NPIPB11: variants seen among roughly 807,000 people sequenced by gnomAD.
NPIPB11 encodes nuclear pore complex-interacting protein family member B11.
In NPIPB11, 17 loss-of-function variants were observed where a neutral mutation model predicts 32.8. The observed-to-expected ratio is 0.52, with a 90% CI of 0.35 to 0.78. The LOEUF is 0.78. Ranked by LOEUF, NPIPB11 falls within the 30% of genes least tolerant of loss-of-function variation. The pLI is 0.01. For synonymous variants in NPIPB11, 209 were observed against 398.4 expected (o/e 0.52, Z 5.66); for missense variants, 537 against 1,000.4 (o/e 0.54, Z 6.25).
At chr16:29,383,209 A>G (rs750787113) in exon 8 of NPIPB11, 1 of 1,565,114 alleles carries the variant, frequency 6.4e-7, no homozygotes, top group Non-Finnish European at 8.7e-7. Flanking sequence ...TCATCTGCTG[A>G]GGGTGGAGCT....
chr16:29,405,725 CACA>C (rs1163439040), upstream of NPIPB11, among the ~76,000 whole-genome samples: 3 of 152,120 alleles, frequency 2.0e-5, no homozygotes, highest in South Asian at 2.1e-4. Flanking sequence ...GAAATTTCTA[CACA>C]ACAATGTTCT....
chr16:29,394,770 G>A (rs1271972273), intron 2 of NPIPB11, among the ~76,000 whole-genome samples: 1 of 147,824 alleles, frequency 6.8e-6, no homozygotes, highest in Non-Finnish European at 1.5e-5. Flanking sequence ...TTTTGAGATG[G>A]GGTCTCACTC....
At chr16:29,401,086 T>G (rs185320474) in intron 2 of NPIPB11, among the ~76,000 whole-genome samples, 1 of 152,180 alleles carries the variant, frequency 6.6e-6, no homozygotes, top group East Asian at 1.9e-4. Flanking sequence ...CCCACGATGT[T>G]TTGGGAGAGT....
chr16:29,393,875 T>G (rs1468273958), intron 3 of NPIPB11, 73 bp downstream of exon 3: 32 of 1,294,790 alleles, frequency 2.5e-5, no homozygotes, highest in Non-Finnish European at 3.0e-5. Context: ...AGTCCAGAAA[T>G]GTGAATTGTT....
chr16:29,397,467 C>G, intron 2 of NPIPB11: 28 of 1,230,928 alleles, frequency 2.3e-5, no homozygotes, highest in Non-Finnish European at 3.1e-5. Context: ...CACCTCGGCC[C>G]CCTAAAGTGC....
At chr16:29,381,473 G>C (rs757616946) in exon 8 of NPIPB11, 4 of 1,293,264 alleles carry the variant, frequency 3.1e-6, no homozygotes, top group South Asian at 1.3e-5. Flanking sequence ...TCTTGGGTTC[G>C]GGTGATGATG....
At position 29,399,939 on chromosome 16, in the gene NPIPB11, C is replaced by T. The variant is rs3867590; in HGVS notation, c.120+3744G>A. Among the ~76,000 whole-genome samples, 8 of 150,590 alleles carry T rather than the reference C, an allele frequency of 5.3e-5. No individual in the cohort carries two copies. The South Asian group carries it at 6.3e-4, about 12-fold the overall frequency. On this transcript the variant is annotated intron_variant, in intron 2 of 7. Coordinates refer to ENST00000524087, the Ensembl canonical transcript of NPIPB11. ...TAAAAATACAAAAATTAGCCAGGCACGGTGGCACCCGCCTGTAATCCCAGC... is the reference window on the plus strand; with the variant it reads ...TAAAAATACAAAAATTAGCCAGGCATGGTGGCACCCGCCTGTAATCCCAGC...
chr16:29,388,971 C>T (rs1354060638), intron 5 of NPIPB11, among the ~76,000 whole-genome samples: 19 of 142,308 alleles, frequency 1.3e-4, no homozygotes, highest in South Asian at 4.7e-4. Flanking sequence ...CCGAGGTGTG[C>T]GGATCATGAT....
At chr16:29,405,771 C>T (rs1964100736), upstream of NPIPB11, among the ~76,000 whole-genome samples, 1 of 152,122 alleles carries the variant, frequency 6.6e-6, no homozygotes, top group South Asian at 2.1e-4. Context: ...CCTACACCTC[C>T]TATAATACTG....
chr16:29,389,396 G>C (rs1471041974), intron 5 of NPIPB11, among the ~76,000 whole-genome samples: 6 of 135,558 alleles, frequency 4.4e-5, no homozygotes, highest in Non-Finnish European at 9.4e-5. Flanking sequence ...AAAAAAGGCT[G>C]GCTGTGGTGG....
In NPIPB11 at chr16:29,389,923, T is replaced by C. The variant is rs1462877806; in HGVS notation, c.545+18A>G. 1 of 1,587,376 alleles carries C rather than the reference T, an allele frequency of 6.3e-7. No individual in the cohort carries two copies. The highest frequency in any genetic ancestry group is 1.7e-5 in the Admixed American group (1 of 59,608). ...CACATGGTTCCTACAACAGTATTTGTGTCAAGGCACATCTTACTGTTTTCT... is the reference window on the plus strand; with the variant it reads ...CACATGGTTCCTACAACAGTATTTGCGTCAAGGCACATCTTACTGTTTTCT... On this transcript the variant is annotated intron_variant, in intron 5 of 7. Coordinates refer to ENST00000524087, the Ensembl canonical transcript of NPIPB11.
chr16:29,399,368 C>T (rs1433398351), intron 2 of NPIPB11, among the ~76,000 whole-genome samples: 1 of 148,646 alleles, frequency 6.7e-6, no homozygotes, highest in African/African-American at 2.5e-5. Context: ...AATGCCTTTA[C>T]CATAAATAGA....
chr16:29,403,004 T>A (rs566768987), intron 2 of NPIPB11, among the ~76,000 whole-genome samples: 15 of 151,326 alleles, frequency 9.9e-5, no homozygotes, highest in Middle Eastern at 3.4e-3. Flanking sequence ...CTATAGAATG[T>A]ATTTATTATG....
At chr16:29,391,802 C>A (rs1219108782) in intron 3 of NPIPB11, among the ~76,000 whole-genome samples, 4 of 152,058 alleles carry the variant, frequency 2.6e-5, no homozygotes, top group Non-Finnish European at 5.9e-5. Flanking sequence ...CTCACGGCAG[C>A]CTCCACCTCC....
chr16:29,397,623 A>T (rs1963890818), intron 2 of NPIPB11: 9 of 1,466,980 alleles, frequency 6.1e-6, no homozygotes, highest in Non-Finnish European at 8.3e-6. Context: ...GAGCCAAAAG[A>T]GCATCCACCG....
intron 2 of NPIPB11, among the ~76,000 whole-genome samples, chr16:29,402,724 CTGTGTGTGTGTGTGTG>C (rs71214272): frequency 0.027 from 3,215 of 119,606 alleles, 160 homozygotes; most frequent in African/African-American, 0.098. Context: ...CTCTCTCTCT[CTGTGTGTGTGTGTGTG>C]TGTGTGTGTG....
intron 3 of NPIPB11, among the ~76,000 whole-genome samples, chr16:29,391,801 G>A (rs551252996): frequency 6.4e-4 from 97 of 152,156 alleles, no homozygotes; most frequent in Non-Finnish European, 1.2e-3. Flanking sequence ...GCTCACGGCA[G>A]CCTCCACCTC....
At chr16:29,400,742 G>A (rs867585728) in intron 2 of NPIPB11, among the ~76,000 whole-genome samples, 14 of 152,244 alleles carry the variant, frequency 9.2e-5, no homozygotes, top group Non-Finnish European at 1.6e-4. Flanking sequence ...CAGGGGGCAG[G>A]TCCATCTTCA....
chr16:29,401,081 G>T (rs1212739550), intron 2 of NPIPB11, among the ~76,000 whole-genome samples: 1 of 152,100 alleles, frequency 6.6e-6, no homozygotes. Flanking sequence ...CAGGCCCCAC[G>T]ATGTTTTGGG....
Sources: allele counts gnomAD v4.1 joint callset (sites outside exome capture counted in the v4.1 genomes callset), GRCh38; gene constraint gnomAD v4.1.1; transcripts MANE v1.5; gene names NCBI Gene and HGNC (gene_info 2026-07-23, HGNC 2026-07-21).